The following ZFHX3 variants were observed in gnomAD, a reference collection of about 807,000 sequenced individuals.
ZFHX3 encodes the protein zinc finger homeobox protein 3.
Under a neutral mutation model 279.1 loss-of-function variants are expected in ZFHX3, and 42 were observed. That is an observed-to-expected ratio of 0.15 (90% CI 0.12 to 0.19). ZFHX3 has a LOEUF of 0.19. ZFHX3 is among the 10% of genes least tolerant of loss of function. The pLI is 1.00. For synonymous variants in ZFHX3, 2,293 were observed against 1,957.8 expected, an observed-to-expected ratio of 1.17 and a Z score of -4.52; for missense variants, 4,981 against 4,754.0, an observed-to-expected ratio of 1.05 and a Z score of -1.40.
At chr16:73,559,672 T>C (rs965835751) in intron 2 of ZFHX3, among the ~76,000 whole-genome samples, 12 of 152,172 alleles carry the variant, frequency 7.9e-5, no homozygotes, top group African/African-American at 2.9e-4. Flanking sequence ...AAATGTTCTA[T>C]ATTTGAGTCA....
chr16:72,979,776 G>T (rs1962505390), intron 1 of ZFHX3, among the ~76,000 whole-genome samples: 3 of 152,020 alleles, frequency 2.0e-5, no homozygotes, highest in Admixed American at 6.6e-5. Context: ...AAACAAAACT[G>T]GAGGAAATTT....
chr16:73,405,592 G>GT (rs74851836), intron 3 of ZFHX3, among the ~76,000 whole-genome samples: 126 of 146,608 alleles, frequency 8.6e-4, no homozygotes, highest in East Asian at 2.0e-3. Context: ...TTTGTTTTTT[G>GT]TTTTTTTTTT....
intron 2 of ZFHX3, among the ~76,000 whole-genome samples, chr16:73,641,474 G>A (rs984145152): frequency 6.6e-6 from 1 of 152,134 alleles, no homozygotes; most frequent in African/African-American, 2.4e-5. Context: ...GAAGGTCTTG[G>A]AGCATATGGG....
intron 2 of ZFHX3, among the ~76,000 whole-genome samples, chr16:73,506,500 G>A (rs1174220480): frequency 6.6e-6 from 1 of 152,142 alleles, no homozygotes; most frequent in Non-Finnish European, 1.5e-5. Flanking sequence ...AAGTTGAGCA[G>A]ACCTAACACA....
chr16:73,095,516 A>G (rs531709248), intron 7 of ZFHX3, among the ~76,000 whole-genome samples: 1 of 152,386 alleles, frequency 6.6e-6, no homozygotes, highest in South Asian at 2.1e-4. Flanking sequence ...ACAGCGGCCC[A>G]AGTGCTGACC....
chr16:73,839,326 CAAAAAAAAAAAAAAAAAAAAAAAAAA>C lies in ZFHX3; in HGVS notation c.-1608+52299_-1608+52324del, dbSNP rs777484716. Among the ~76,000 whole-genome samples the C allele has an allele frequency of 1.3e-4, 4 of 30,050 alleles. No individual in the cohort carries two copies. In the South Asian group the frequency reaches 5.8e-3, roughly 43 times the overall value. 19.7% of individuals were successfully genotyped at this position (30,050 alleles called of 152,430 possible). ...GCAGCAACAGAGCAAGACTCCATCT[CAAAAAAAAAAAAAAAAAAAAAAAAAA>C]AAAAAAAAAAAAAAGTTAGGTCTGC... On this transcript the variant is annotated intron_variant, in intron 1 of 17. Transcript: ENST00000641206.
intron 1 of ZFHX3, among the ~76,000 whole-genome samples, chr16:73,811,831 G>T (rs572961851): frequency 6.9e-4 from 105 of 152,188 alleles, no homozygotes; most frequent in South Asian, 2.3e-3. Flanking sequence ...GTGGTTCAGT[G>T]GTTTGCCACC....
At chr16:73,268,861 C>G (rs1389461401) in intron 4 of ZFHX3, among the ~76,000 whole-genome samples, 7 of 152,110 alleles carry the variant, frequency 4.6e-5, no homozygotes, top group Non-Finnish European at 7.4e-5. Context: ...ACAGGGAACC[C>G]AAGCAGCTAT....
chr16:73,512,023 GGGTTAGATCTCA>G (rs1285010052), intron 2 of ZFHX3, among the ~76,000 whole-genome samples: 4 of 152,082 alleles, frequency 2.6e-5, no homozygotes, highest in Non-Finnish European at 4.4e-5. Flanking sequence ...CCCGATACCA[GGGTTAGATCTCA>G]GGACGACTCA....
intron 1 of ZFHX3, among the ~76,000 whole-genome samples, chr16:73,806,105 T>C (rs1446751702): frequency 4.6e-5 from 7 of 152,316 alleles, no homozygotes; most frequent in Admixed American, 4.6e-4. Context: ...AAGCCCCCTA[T>C]AAAACCATCA....
At chr16:73,851,484 T>G (rs1259910588) in intron 1 of ZFHX3, among the ~76,000 whole-genome samples, 1 of 152,218 alleles carries the variant, frequency 6.6e-6, no homozygotes, top group Non-Finnish European at 1.5e-5. Flanking sequence ...GGTTCTAACC[T>G]CCTGAAGTCT....
At chr16:72,971,444 G>A (rs1016826908) in intron 1 of ZFHX3, among the ~76,000 whole-genome samples, 1 of 152,170 alleles carries the variant, frequency 6.6e-6, no homozygotes, top group African/African-American at 2.4e-5. Flanking sequence ...CACTTTACAG[G>A]TGAGGAAACT....
intron 3 of ZFHX3, among the ~76,000 whole-genome samples, chr16:73,355,967 T>C (rs1250471241): frequency 6.6e-6 from 1 of 152,156 alleles, no homozygotes; most frequent in African/African-American, 2.4e-5. Context: ...TCCAGGGTTT[T>C]TCCTCCCCCA....
In ZFHX3 at chr16:73,090,416, C is replaced by T. The variant is rs77501123; in HGVS notation, c.-533+2819G>A. On this transcript the variant is annotated intron_variant, in intron 8 of 17. Transcript: ENST00000641206. ...ATTAAGTAAATAAATAAATAAAGTA[C>T]ATTTGTTGTTGTGTACTTGGTTATC... Among the ~76,000 whole-genome samples, 544 of 152,226 alleles carry T rather than the reference C, an allele frequency of 3.6e-3. 5 individuals carry two copies. The highest frequency in any genetic ancestry group is 0.012 in the African/African-American group (519 of 41,544).
intron 2 of ZFHX3, among the ~76,000 whole-genome samples, chr16:73,624,176 C>T (rs2142140536): frequency 6.6e-6 from 1 of 152,244 alleles, no homozygotes; most frequent in Non-Finnish European, 1.5e-5. Flanking sequence ...TTATCAATTA[C>T]ATTACATGGT....
intron 1 of ZFHX3, among the ~76,000 whole-genome samples, chr16:73,701,297 C>T (rs1597072880): frequency 1.3e-5 from 2 of 152,142 alleles, no homozygotes; most frequent in East Asian, 1.9e-4. Context: ...AGCTTTTAAG[C>T]AAACTGGCAA....
At chr16:73,371,942 T>G (rs929922364) in intron 3 of ZFHX3, among the ~76,000 whole-genome samples, 1 of 152,232 alleles carries the variant, frequency 6.6e-6, no homozygotes, top group African/African-American at 2.4e-5. Flanking sequence ...ACCTCTTCAC[T>G]CTTTTTCAAG....
intron 7 of ZFHX3, among the ~76,000 whole-genome samples, chr16:73,118,232 A>C (rs1966455067): frequency 6.6e-6 from 1 of 152,120 alleles, no homozygotes; most frequent in Admixed American, 6.5e-5. Context: ...TGTTGTTGAG[A>C]CAGTCTCACT....
chr16:72,900,413 C>T (rs1040468263), intron 3 of ZFHX3, among the ~76,000 whole-genome samples: 10 of 152,232 alleles, frequency 6.6e-5, no homozygotes, highest in African/African-American at 2.4e-4. Flanking sequence ...TGTGCTACTT[C>T]ATCTATAACC....
Sources: gnomAD v4.1 joint callset for allele counts (sites outside exome capture counted in the v4.1 genomes callset) on GRCh38, gnomAD v4.1.1 for gene constraint, MANE v1.5 for transcripts, NCBI Gene and HGNC (gene_info 2026-07-23, HGNC 2026-07-21) for gene names.